The following KIAA0825 variants were observed in gnomAD, a reference collection of about 807,000 sequenced individuals.
The protein encoded by KIAA0825 is uncharacterized protein KIAA0825.
KIAA0825 carries 119 observed loss-of-function variants against 147.6 expected under a neutral mutation model. The ratio of observed to expected loss-of-function variants is 0.81; its 90% CI spans 0.69 to 0.94. KIAA0825 has a LOEUF of 0.94. Among genes scored for constraint, KIAA0825 ranks in the 40% least tolerant of loss-of-function variants. The pLI is 0.00. For missense variants in KIAA0825, 1,381 were observed against 1,472.7 expected, an observed-to-expected ratio of 0.94 and a Z score of 1.02; for synonymous variants, 470 against 518.1, an observed-to-expected ratio of 0.91 and a Z score of 1.26.
chr5:94,273,326 TAATC>T (rs1439158691), intron 20 of KIAA0825, among the ~76,000 whole-genome samples: 1 of 152,214 alleles, frequency 6.6e-6, no homozygotes, highest in African/African-American at 2.4e-5. Flanking sequence ...TAGCTCATAT[TAATC>T]AAGAAAATAT....
intron 20 of KIAA0825, among the ~76,000 whole-genome samples, chr5:94,310,686 A>C (rs1779085282): frequency 6.6e-6 from 1 of 151,704 alleles, no homozygotes; most frequent in Admixed American, 6.6e-5. Flanking sequence ...AGCTATCTGC[A>C]GGAATGATGT....
intron 10 of KIAA0825, among the ~76,000 whole-genome samples, chr5:94,466,070 C>T (rs1287796896): frequency 2.0e-5 from 3 of 151,932 alleles, no homozygotes; most frequent in African/African-American, 7.3e-5. Flanking sequence ...AAGTGATTAT[C>T]TTTTACTTAA....
At chr5:94,249,761 T>C (rs1775848858) in intron 20 of KIAA0825, among the ~76,000 whole-genome samples, 1 of 151,782 alleles carries the variant, frequency 6.6e-6, no homozygotes, top group Non-Finnish European at 1.5e-5. Context: ...TGTGACATCA[T>C]ATTATTTTGC....
intron 2 of KIAA0825, among the ~76,000 whole-genome samples, chr5:94,540,973 A>G (rs1438561767): frequency 6.6e-6 from 1 of 152,212 alleles, no homozygotes; most frequent in African/African-American, 2.4e-5. Flanking sequence ...TTTTTATCCT[A>G]AAGTAAAATA....
chr5:94,303,122 G>T (rs1302952953), intron 20 of KIAA0825, among the ~76,000 whole-genome samples: 1 of 151,448 alleles, frequency 6.6e-6, no homozygotes, highest in Non-Finnish European at 1.5e-5. Context: ...AACAACTGAG[G>T]CCTAACTTTT....
At chr5:94,450,513 G>C (rs1758268244) in intron 13 of KIAA0825, among the ~76,000 whole-genome samples, 1 of 151,708 alleles carries the variant, frequency 6.6e-6, no homozygotes, top group Non-Finnish European at 1.5e-5. Context: ...CCAAGATCAA[G>C]GCACCAGCAT....
At chr5:94,420,122 C>T (rs990489217) in intron 14 of KIAA0825, among the ~76,000 whole-genome samples, 1 of 151,878 alleles carries the variant, frequency 6.6e-6, no homozygotes, top group Non-Finnish European at 1.5e-5. Flanking sequence ...ATTGAGAAGA[C>T]AAGCAGTTGC....
At chr5:94,447,357 A>G (rs942645834) in intron 13 of KIAA0825, among the ~76,000 whole-genome samples, 1 of 152,144 alleles carries the variant, frequency 6.6e-6, no homozygotes, top group African/African-American at 2.4e-5. Flanking sequence ...TTGCCAGGTT[A>G]AAGTATATGA....
rs572802756 is a variant in KIAA0825, at chr5:94,339,644, A to T, written c.3710+44724T>A. Among the ~76,000 whole-genome samples the T allele has an allele frequency of 1.2e-4, 19 of 152,334 alleles. No individual in the cohort carries two copies. The South Asian group carries it at 3.9e-3, about 32-fold the overall frequency. On this transcript the variant is annotated intron_variant, in intron 20 of 20. Coordinates refer to ENST00000682413, the MANE Select transcript of KIAA0825 (RefSeq NM_001145678.3). ...CTCGGGAGACAATGTGAGAAAGCAC[A>T]GTTTCCAATTCCATGGAACTACTCG...
At chr5:94,606,288 C>T (rs1787477332) in intron 1 of KIAA0825, among the ~76,000 whole-genome samples, 1 of 152,218 alleles carries the variant, frequency 6.6e-6, no homozygotes, top group Non-Finnish European at 1.5e-5. Context: ...ATCCCATGCT[C>T]ATGGATAGAA....
chr5:94,398,152 A>G (rs1482870254), intron 16 of KIAA0825, among the ~76,000 whole-genome samples: 2 of 152,126 alleles, frequency 1.3e-5, no homozygotes, highest in African/African-American at 2.4e-5. Context: ...ACCTACTTCA[A>G]GCCCTTCTTC....
Position 94,164,702 on chromosome 5 carries a change from G to A in KIAA0825, c.3711-10578C>T, listed in dbSNP as rs146456356. Among the ~76,000 whole-genome samples the A allele has an allele frequency of 5.4e-3, 829 of 152,128 alleles. 9 individuals are homozygous for A. The highest frequency in any genetic ancestry group is 0.018 in the African/African-American group (754 of 41,500). On this transcript the variant is annotated intron_variant, in intron 20 of 20. Coordinates refer to ENST00000682413, the MANE Select transcript of KIAA0825 (RefSeq NM_001145678.3). Reference sequence around the variant, plus strand: ...CTGGGATTACAGGTGTGAGCCACACGTGCCCGGCCTTAGTGAACTCATTTT... The same window carrying A: ...CTGGGATTACAGGTGTGAGCCACACATGCCCGGCCTTAGTGAACTCATTTT...
At chr5:94,221,226 G>A (rs967690159) in intron 20 of KIAA0825, among the ~76,000 whole-genome samples, 1 of 152,174 alleles carries the variant, frequency 6.6e-6, no homozygotes, top group African/African-American at 2.4e-5. Context: ...GGAGCTGGAG[G>A]TTAGAGTAAC....
At chr5:94,421,117 A>G (rs1754129432) in intron 14 of KIAA0825, among the ~76,000 whole-genome samples, 1 of 152,114 alleles carries the variant, frequency 6.6e-6, no homozygotes, top group Non-Finnish European at 1.5e-5. Flanking sequence ...TTTTTCTATA[A>G]AGGGCCAGAC....
At chr5:94,337,603 A>G (rs1470816269) in intron 20 of KIAA0825, among the ~76,000 whole-genome samples, 1 of 152,230 alleles carries the variant, frequency 6.6e-6, no homozygotes, top group African/African-American at 2.4e-5. Context: ...TTGAATTATT[A>G]TTAAAGTTGA....
chr5:94,290,476 A>G (rs185438294), intron 20 of KIAA0825, among the ~76,000 whole-genome samples: 11 of 152,162 alleles, frequency 7.2e-5, no homozygotes, highest in Non-Finnish European at 1.0e-4. Context: ...ATCCTTTTTT[A>G]TGGCTGCATA....
In KIAA0825 at chr5:94,248,881, C is replaced by G. The variant is rs142795059; in HGVS notation, c.3711-94757G>C. 4.4e-3 allele frequency among the ~76,000 whole-genome samples: 673 copies of G among 152,180 alleles called. 4 individuals are homozygous for G. The highest frequency in any genetic ancestry group is 0.015 in the African/African-American group (636 of 41,518). On this transcript the variant is annotated intron_variant, in intron 20 of 20. Coordinates refer to ENST00000682413, the MANE Select transcript of KIAA0825 (RefSeq NM_001145678.3). ...TAAATAAACCTGCAATTTCAGCCTG[C>G]TATGAACCATTGAAATTGCCATTTT...
chr5:94,172,821 A>G (rs982134788), intron 20 of KIAA0825, among the ~76,000 whole-genome samples: 1 of 152,266 alleles, frequency 6.6e-6, no homozygotes, highest in African/African-American at 2.4e-5. Context: ...GCTGATCTTG[A>G]GTAATGTAAA....
intron 17 of KIAA0825, among the ~76,000 whole-genome samples, chr5:94,394,759 A>G (rs1376135216): frequency 6.6e-6 from 1 of 152,134 alleles, no homozygotes; most frequent in Non-Finnish European, 1.5e-5. Flanking sequence ...TTTTTTAGTC[A>G]TTGGATTAAA....
Sources: gnomAD v4.1 joint callset for allele counts (sites outside exome capture counted in the v4.1 genomes callset) on GRCh38, gnomAD v4.1.1 for gene constraint, MANE v1.5 for transcripts, NCBI Gene and HGNC (gene_info 2026-07-23, HGNC 2026-07-21) for gene names.